ARSJ: variants seen among roughly 807,000 people sequenced by gnomAD.
ARSJ encodes the protein arylsulfatase family member J, also known as arylsulfatase J.
A neutral mutation model predicts 35.9 loss-of-function variants in ARSJ; 26 were observed. The ratio of observed to expected loss-of-function variants is 0.72; its 90% CI spans 0.53 to 1.00. The LOEUF (loss-of-function observed/expected upper bound fraction) is 1.00, where lower values mean the gene tolerates loss of function less well. Ranked by LOEUF, ARSJ falls within the 50% of genes least tolerant of loss-of-function variation. The probability of loss-of-function intolerance (pLI) is 0.00; values close to 1 mark genes in which losing one functional copy is unlikely to be tolerated. For missense variants in ARSJ, 667 were observed against 723.6 expected, an observed-to-expected ratio of 0.92 and a Z score of 0.90; for synonymous variants, 294 against 267.6, an observed-to-expected ratio of 1.10 and a Z score of -0.96.
chr4:113,921,129 C>T (rs1723651124), intron 1 of ARSJ, among the ~76,000 whole-genome samples: 1 of 147,428 alleles, frequency 6.8e-6, no homozygotes. Context: ...TTTAAATAAT[C>T]ATAACTGTGA....
intron 1 of ARSJ, among the ~76,000 whole-genome samples, chr4:113,955,064 T>C (rs547572935): frequency 6.6e-6 from 1 of 151,300 alleles, no homozygotes; most frequent in African/African-American, 2.4e-5. Context: ...CTATACCAGA[T>C]GGATGAAAAT....
At chr4:113,975,630 C>T (rs980036537) in intron 1 of ARSJ, among the ~76,000 whole-genome samples, 2 of 152,130 alleles carry the variant, frequency 1.3e-5, no homozygotes, top group Non-Finnish European at 2.9e-5. Context: ...TACATCACTA[C>T]CCCTCTTAGA....
At chr4:113,941,265 C>T (rs188954793) in intron 1 of ARSJ, among the ~76,000 whole-genome samples, 27 of 152,164 alleles carry the variant, frequency 1.8e-4, no homozygotes, top group Admixed American at 8.5e-4. Flanking sequence ...AAAACAAACA[C>T]TTTGCAGTTA....
At chr4:113,973,187 T>G (rs1382681426) in intron 1 of ARSJ, among the ~76,000 whole-genome samples, 1 of 152,188 alleles carries the variant, frequency 6.6e-6, no homozygotes, top group Non-Finnish European at 1.5e-5. Context: ...CTTCCAAAGA[T>G]GTTTTACCCC....
chr4:113,931,960 C>T (rs1241963834), intron 1 of ARSJ, among the ~76,000 whole-genome samples: 1 of 151,876 alleles, frequency 6.6e-6, no homozygotes, highest in Non-Finnish European at 1.5e-5. Context: ...TATAAGAAAC[C>T]AAGACTTCAA....
intron 1 of ARSJ, among the ~76,000 whole-genome samples, chr4:113,963,715 G>C (rs1726710863): frequency 6.6e-6 from 1 of 152,006 alleles, no homozygotes; most frequent in Admixed American, 6.6e-5. Flanking sequence ...ATGAATTTCA[G>C]GGAAATAAAA....
intron 1 of ARSJ, among the ~76,000 whole-genome samples, chr4:113,927,553 G>T (rs1325693225): frequency 5.3e-5 from 8 of 152,202 alleles, no homozygotes; most frequent in African/African-American, 1.9e-4. Flanking sequence ...CTTGCCAGCT[G>T]AAGGCAAATT....
At chr4:113,962,781 T>C (rs1562373216) in intron 1 of ARSJ, among the ~76,000 whole-genome samples, 1 of 152,086 alleles carries the variant, frequency 6.6e-6, no homozygotes, top group African/African-American at 2.4e-5. Flanking sequence ...GTTCCCCTTC[T>C]GCTCCAAGCT....
chr4:113,960,564 T>C (rs1726481460), intron 1 of ARSJ, among the ~76,000 whole-genome samples: 1 of 152,086 alleles, frequency 6.6e-6, no homozygotes, highest in Non-Finnish European at 1.5e-5. Context: ...CAGCTATAAT[T>C]TGTAGAAAAA....
chr4:113,941,736 A>T (rs565692717), intron 1 of ARSJ, among the ~76,000 whole-genome samples: 32 of 152,176 alleles, frequency 2.1e-4, no homozygotes, highest in African/African-American at 7.0e-4. Flanking sequence ...TGATTTATAT[A>T]TACAAATTAC....
intron 1 of ARSJ, among the ~76,000 whole-genome samples, chr4:113,974,366 C>CA (rs1197151979): frequency 6.6e-6 from 1 of 151,264 alleles, no homozygotes; most frequent in Non-Finnish European, 1.5e-5. Context: ...ACTAAAAAAC[C>CA]AAAACACTGT....
chr4:113,922,164 CT>C (rs1723724319), intron 1 of ARSJ, among the ~76,000 whole-genome samples: 2 of 152,086 alleles, frequency 1.3e-5, no homozygotes, highest in Admixed American at 6.6e-5. Flanking sequence ...CAAGGGACAT[CT>C]TCTGATTAAG....
chr4:113,945,601 T>A (rs1170127376), intron 1 of ARSJ, among the ~76,000 whole-genome samples: 2 of 152,088 alleles, frequency 1.3e-5, no homozygotes, highest in Non-Finnish European at 2.9e-5. Context: ...TAGGGGAATT[T>A]TTTTTTGAGG....
At chr4:113,952,473 A>G (rs749995785) in intron 1 of ARSJ, among the ~76,000 whole-genome samples, 7 of 152,078 alleles carry the variant, frequency 4.6e-5, no homozygotes, top group African/African-American at 7.2e-5. Flanking sequence ...GCTTTAAAAT[A>G]TTTTCATACG....
intron 1 of ARSJ, among the ~76,000 whole-genome samples, chr4:113,939,873 C>T (rs907606972): frequency 6.6e-6 from 1 of 152,004 alleles, no homozygotes; most frequent in Admixed American, 6.6e-5. Context: ...TTGTAGGTTG[C>T]CTGTTCACTC....
intron 1 of ARSJ, among the ~76,000 whole-genome samples, chr4:113,939,733 C>T (rs1286915596): frequency 1.3e-5 from 2 of 151,958 alleles, no homozygotes; most frequent in Non-Finnish European, 2.9e-5. Flanking sequence ...CTGTTCATAT[C>T]CCTTGCCCAC....
chr4:113,954,395 A>G (rs1317263034), intron 1 of ARSJ, among the ~76,000 whole-genome samples: 2 of 152,058 alleles, frequency 1.3e-5, no homozygotes, highest in African/African-American at 2.4e-5. Flanking sequence ...CCCATAATTC[A>G]TATTATTTGT....
At chr4:113,913,416 CTTA>C (rs1159519062) in intron 1 of ARSJ, among the ~76,000 whole-genome samples, 35 of 152,158 alleles carry the variant, frequency 2.3e-4, no homozygotes, top group African/African-American at 7.5e-4. Flanking sequence ...TTCCCTGACT[CTTA>C]TTATCTCATG....
At chr4:113,943,971 A>G (rs1725319400) in intron 1 of ARSJ, among the ~76,000 whole-genome samples, 1 of 152,072 alleles carries the variant, frequency 6.6e-6, no homozygotes, top group Non-Finnish European at 1.5e-5. Flanking sequence ...TGGCAAAGAC[A>G]TTGAAAAATT....
Sources: gnomAD v4.1 joint callset for allele counts (sites outside exome capture counted in the v4.1 genomes callset) on GRCh38, gnomAD v4.1.1 for gene constraint, MANE v1.5 for transcripts, NCBI Gene and HGNC (gene_info 2026-07-23, HGNC 2026-07-21) for gene names.